Variants in SKAP2 observed in about 807,000 individuals in gnomAD.
The protein encoded by SKAP2 is src kinase associated phosphoprotein 2, also known as src kinase-associated phosphoprotein 2.
Under a neutral mutation model 54.9 loss-of-function variants are expected in SKAP2, and 28 were observed. That is an observed-to-expected ratio of 0.51 (90% CI 0.38 to 0.70). The LOEUF is 0.70. SKAP2 is among the 30% of genes least tolerant of loss of function. The probability of loss-of-function intolerance (pLI) is 0.00; values close to 1 mark genes in which losing one functional copy is unlikely to be tolerated. For missense variants in SKAP2, 356 were observed against 424.1 expected (o/e 0.84, Z 1.41); for synonymous variants, 137 against 134.3 (o/e 1.02, Z -0.14).
chr7:26,785,178 G>A (rs1397228865), intron 4 of SKAP2, among the ~76,000 whole-genome samples: 2 of 151,818 alleles, frequency 1.3e-5, no homozygotes, highest in Non-Finnish European at 2.9e-5. Flanking sequence ...GATCCTGTGA[G>A]GAAACAGAGT....
chr7:26,804,462 C>T (rs989134793), intron 4 of SKAP2, among the ~76,000 whole-genome samples: 5 of 152,010 alleles, frequency 3.3e-5, no homozygotes, highest in Admixed American at 6.6e-5. Context: ...TGTGCCGGGC[C>T]GGGCCTGGTG....
intron 4 of SKAP2, among the ~76,000 whole-genome samples, chr7:26,751,891 G>A (rs1287513329): frequency 6.7e-6 from 1 of 149,364 alleles, no homozygotes; most frequent in African/African-American, 2.4e-5. Context: ...GGGTGGGAGG[G>A]AGGGGGAGGA....
intron 11 of SKAP2, among the ~76,000 whole-genome samples, chr7:26,678,119 A>C (rs1252868385): frequency 1.3e-5 from 2 of 152,168 alleles, no homozygotes; most frequent in Non-Finnish European, 2.9e-5. Flanking sequence ...CAGTTTCCTA[A>C]TCTGTAAAAT....
chr7:26,660,999 C>A, the SKAP2 span, among the ~76,000 whole-genome samples: 2 of 152,048 alleles, frequency 1.3e-5, no homozygotes, highest in Non-Finnish European at 2.9e-5. Flanking sequence ...AACAAATATA[C>A]TTAATAATCT....
At chr7:26,839,497 C>T (rs1784777751) in intron 4 of SKAP2, among the ~76,000 whole-genome samples, 1 of 151,830 alleles carries the variant, frequency 6.6e-6, no homozygotes, top group Non-Finnish European at 1.5e-5. Context: ...GTGCAAATTG[C>T]AAATTAATTG....
downstream of SKAP2, among the ~76,000 whole-genome samples, chr7:26,665,166 T>A (rs1786083173): frequency 6.6e-6 from 1 of 152,276 alleles, no homozygotes; most frequent in African/African-American, 2.4e-5. Context: ...TTCTCTGATA[T>A]TACGCAAGTG....
the SKAP2 span, among the ~76,000 whole-genome samples, chr7:26,659,496 T>C: frequency 2.6e-5 from 4 of 152,090 alleles, no homozygotes; most frequent in African/African-American, 4.8e-5. Context: ...GAAGAAAAAG[T>C]TGGTTAACGT....
intron 4 of SKAP2, among the ~76,000 whole-genome samples, chr7:26,811,851 C>T (rs1210774859): frequency 4.6e-5 from 7 of 152,120 alleles, no homozygotes; most frequent in Non-Finnish European, 7.4e-5. Flanking sequence ...CAACTATTTG[C>T]AAGAGAGTTT....
chr7:26,657,097 TGG>T, the SKAP2 span, among the ~76,000 whole-genome samples: 1 of 152,232 alleles, frequency 6.6e-6, no homozygotes, highest in Admixed American at 6.5e-5. Context: ...AAGAAATACC[TGG>T]TAACTATAAA....
rs1382336796 is a variant in SKAP2 at position 26,738,893 on chromosome 7, G to A, written c.386-15C>T. ...AAAGCTGTGATCTGCAATAAAGAGG[G>A]GAAAATGTAAGGCCATTTCCTTACT... On this transcript the variant is annotated splice_polypyrimidine_tract_variant and intron_variant, in intron 5 of 12. Coordinates refer to ENST00000345317, the MANE Select transcript of SKAP2 (RefSeq NM_003930.5). The A allele has an allele frequency of 6.6e-7, 1 of 1,514,446 alleles. No individual in the cohort carries two copies. Among genetic ancestry groups the A allele is most frequent in the Non-Finnish European group, 9.2e-7 (1 of 1,090,232 alleles). 93.8% of individuals were successfully genotyped at this position (1,514,446 alleles called of 1,614,324 possible). A position where few individuals can be genotyped will look rare whatever the true frequency, so the allele number is the denominator to read the frequency against.
At chr7:26,845,545 T>G (rs1037296710) in intron 3 of SKAP2, among the ~76,000 whole-genome samples, 15 of 152,178 alleles carry the variant, frequency 9.9e-5, no homozygotes, top group Non-Finnish European at 2.1e-4. Flanking sequence ...TAAATACTAC[T>G]CATTCTTTGG....
intron 4 of SKAP2, among the ~76,000 whole-genome samples, chr7:26,839,570 A>G (rs1784779461): frequency 6.6e-6 from 1 of 152,118 alleles, no homozygotes; most frequent in South Asian, 2.1e-4. Context: ...GTGGGTTAAA[A>G]ACACCCTAAA....
In SKAP2 at chr7:26,760,932, G is replaced by A. The variant is rs1237516084; in HGVS notation, c.308-20968C>T. ...ATAGTCAGTAGTATAAGTTGCTTCC[G>A]AAAGGCCAAGAAAGAGAACTACTGG... On this transcript the variant is annotated intron_variant, in intron 4 of 12. Transcript: ENST00000345317. Among the ~76,000 whole-genome samples, 8 of 152,270 alleles carry A rather than the reference G, an allele frequency of 5.3e-5. No individual in the cohort carries two copies. The East Asian group carries it at 1.3e-3, about 26-fold the overall frequency.
At position 26,770,884 on chromosome 7, in the gene SKAP2, G is replaced by A. The variant is rs572933871; in HGVS notation, c.308-30920C>T. ...TTGGTCTCACTGGGAGCTGCAGACC[G>A]GAGCTGTTCCTATTTGGCCATCTTG... is the stretch of plus-strand genomic sequence containing the variant. On this transcript the variant is annotated intron_variant, in intron 4 of 12. Transcript: ENST00000345317. Among the ~76,000 whole-genome samples the A allele has an allele frequency of 4.6e-5, 7 of 152,232 alleles. No homozygotes were observed. In the South Asian group the frequency reaches 6.2e-4, roughly 14 times the overall value.
At chr7:26,855,686 C>T (rs890383950) in intron 1 of SKAP2, among the ~76,000 whole-genome samples, 3 of 151,976 alleles carry the variant, frequency 2.0e-5, no homozygotes, top group African/African-American at 7.2e-5. Context: ...TTCTAAATTA[C>T]GGTGCTGTCT....
chr7:26,817,186 G>A (rs1784282720), intron 4 of SKAP2, among the ~76,000 whole-genome samples: 1 of 152,082 alleles, frequency 6.6e-6, no homozygotes, highest in Admixed American at 6.6e-5. Context: ...CTAAATAACA[G>A]ACCAGCAATG....
intron 4 of SKAP2, among the ~76,000 whole-genome samples, chr7:26,828,307 G>T (rs115790776): frequency 1.3e-5 from 2 of 152,048 alleles, no homozygotes; most frequent in Non-Finnish European, 2.9e-5. Context: ...AAATGATAGC[G>T]GTATATAAAC....
intron 9 of SKAP2, among the ~76,000 whole-genome samples, chr7:26,691,164 T>C (rs1360696134): frequency 2.0e-5 from 3 of 152,222 alleles, no homozygotes; most frequent in Non-Finnish European, 2.9e-5. Context: ...TTCTTTATCC[T>C]ACATATAATC....
chr7:26,839,852 A>T (rs1163966650), intron 4 of SKAP2, among the ~76,000 whole-genome samples: 1 of 152,062 alleles, frequency 6.6e-6, no homozygotes, highest in Non-Finnish European at 1.5e-5. Context: ...AGCCTGTTTT[A>T]GACACTTTCT....
Sources: gnomAD v4.1 joint callset for allele counts (sites outside exome capture counted in the v4.1 genomes callset) on GRCh38, gnomAD v4.1.1 for gene constraint, MANE v1.5 for transcripts, NCBI Gene and HGNC (gene_info 2026-07-23, HGNC 2026-07-21) for gene names.